The following COL4A2 variants were observed in gnomAD, a reference collection of about 807,000 sequenced individuals.
COL4A2 encodes collagen alpha-2(IV) chain.
A neutral mutation model predicts 200.2 loss-of-function variants in COL4A2; 99 were observed. The observed-to-expected ratio is 0.49, with a 90% CI of 0.42 to 0.58. COL4A2 has a LOEUF of 0.58. Ranked by LOEUF, COL4A2 falls within the 20% of genes least tolerant of loss-of-function variation. The pLI is 0.00. For missense variants in COL4A2, 1,950 were observed against 2,314.1 expected (o/e 0.84, Z 3.23); for synonymous variants, 897 against 900.6 (o/e 1.00, Z 0.07).
intron 4 of COL4A2, among the ~76,000 whole-genome samples, chr13:110,361,740 GA>G (rs1877521783): frequency 6.6e-6 from 1 of 152,204 alleles, no homozygotes; most frequent in Non-Finnish European, 1.5e-5. Context: ...GCTTCACCCA[GA>G]CAGAACCACC....
At chr13:110,401,232 A>C (rs919437347) in intron 4 of COL4A2, among the ~76,000 whole-genome samples, 3 of 152,250 alleles carry the variant, frequency 2.0e-5, no homozygotes, top group African/African-American at 7.2e-5. Flanking sequence ...TGTCAAAACT[A>C]AAACCTGTTT....
chr13:110,324,083 C>T (rs1885344536), intron 3 of COL4A2, among the ~76,000 whole-genome samples: 1 of 151,986 alleles, frequency 6.6e-6, no homozygotes, highest in Admixed American at 6.6e-5. Context: ...GACAGAGTGC[C>T]AAACTATTTC....
chr13:110,407,425 G>C (rs909138036), intron 4 of COL4A2, among the ~76,000 whole-genome samples: 1 of 152,252 alleles, frequency 6.6e-6, no homozygotes, highest in Non-Finnish European at 1.5e-5. Flanking sequence ...CCAGCCACCA[G>C]AGTGCAGGGT....
chr13:110,485,048 C>T (rs1166425534), intron 33 of COL4A2, 21 bp downstream of exon 33: 3 of 1,561,336 alleles, frequency 1.9e-6, no homozygotes, highest in East Asian at 4.6e-5. Flanking sequence ...TGACCTGCAG[C>T]CAGGGGCCCC....
At chr13:110,421,131 A>G (rs1880235699) in intron 4 of COL4A2, among the ~76,000 whole-genome samples, 2 of 152,220 alleles carry the variant, frequency 1.3e-5, no homozygotes, top group African/African-American at 2.4e-5. Context: ...ACCTTTGTGC[A>G]TTGCTGGTGG....
intron 18 of COL4A2, 124 bp downstream of exon 18, chr13:110,446,988 TAATAAAAAA>T (rs1881351775): frequency 1.6e-5 from 9 of 570,990 alleles, no homozygotes; most frequent in Non-Finnish European, 2.1e-5. Context: ...AGTATAATAA[TAATAAAAAA>T]AATAAAAAAT....
In COL4A2 at chr13:110,462,103, G is replaced by A. The variant is rs776407489; in HGVS notation, c.1597-11G>A. 1 of 1,613,120 alleles carries A rather than the reference G, an allele frequency of 6.2e-7. No individual in the cohort carries two copies. Among genetic ancestry groups the A allele is most frequent in the Middle Eastern group, 1.7e-4 (1 of 6,054 alleles). Reference sequence around the variant, plus strand: ...AAAGAAGGAAGATATTTTTTTGTCTGTTTTCCACAGGGAGTGCCTGGCAAC... The same window carrying A: ...AAAGAAGGAAGATATTTTTTTGTCTATTTTCCACAGGGAGTGCCTGGCAAC... On this transcript the variant is annotated splice_polypyrimidine_tract_variant and intron_variant, in intron 22 of 47. Coordinates refer to ENST00000360467, the MANE Select transcript of COL4A2 (RefSeq NM_001846.4).
Position 110,318,794 on chromosome 13 carries a change from GGTT to G in COL4A2, c.99+10678_99+10680del, listed in dbSNP as rs140863479. Among the ~76,000 whole-genome samples the G allele has an allele frequency of 2.7e-3, 411 of 152,208 alleles. 2 individuals carry two copies. Among genetic ancestry groups the G allele is most frequent in the African/African-American group, 9.4e-3 (392 of 41,546 alleles). ...ACTAGTTCACATCTACCTGGCTTTA[GGTT>G]GTTGTTTTTTAGGTCTTCATCCTCA... On this transcript the variant is annotated intron_variant, in intron 3 of 47. Transcript: ENST00000360467.
Position 110,312,352 on chromosome 13 carries a change from A to C in COL4A2, c.99+4229A>C, listed in dbSNP as rs576954248. Among the ~76,000 whole-genome samples, 450 of 152,330 alleles carry C rather than the reference A, an allele frequency of 3.0e-3. 3 individuals are homozygous for C. Among genetic ancestry groups the C allele is most frequent in the African/African-American group, 0.01 (418 of 41,580 alleles). The stretch of plus-strand genomic sequence containing the variant: ...GTACGACCAGGCGGCTATGTTTACA[A>C]CCAGAGAGAGAGAGGTGAAGAGGAA... On this transcript the variant is annotated intron_variant, in intron 3 of 47. Transcript: ENST00000360467.
intron 4 of COL4A2, among the ~76,000 whole-genome samples, chr13:110,377,747 T>C (rs371739786): frequency 2.2e-4 from 33 of 152,330 alleles, no homozygotes; most frequent in African/African-American, 7.9e-4. Flanking sequence ...AAAATAGAGA[T>C]AATAGAAAAA....
chr13:110,313,540 C>CTGGGTT (rs1566467379), intron 3 of COL4A2, among the ~76,000 whole-genome samples: 21 of 135,302 alleles, frequency 1.6e-4, no homozygotes, highest in African/African-American at 4.3e-4. Context: ...CACCCCGGTG[C>CTGGGTT]CCCGCGTCCA....
chr13:110,329,713 A>G (rs377159597), intron 3 of COL4A2, among the ~76,000 whole-genome samples: 1 of 152,200 alleles, frequency 6.6e-6, no homozygotes, highest in Non-Finnish European at 1.5e-5. Flanking sequence ...GTTTGTCCCA[A>G]GCGAATTATT....
At chr13:110,446,056 C>T (rs963382107) in intron 17 of COL4A2, among the ~76,000 whole-genome samples, 174 bp downstream of exon 17, 1 of 152,204 alleles carries the variant, frequency 6.6e-6, no homozygotes, top group Non-Finnish European at 1.5e-5. Flanking sequence ...CTACGAGCCA[C>T]GTGTGCTCCC....
chr13:110,311,599 T>C (rs1884984391), intron 3 of COL4A2, among the ~76,000 whole-genome samples: 1 of 152,038 alleles, frequency 6.6e-6, no homozygotes, highest in African/African-American at 2.4e-5. Context: ...CCTTGGAGGG[T>C]CTGGCACAGC....
intron 3 of COL4A2, among the ~76,000 whole-genome samples, chr13:110,309,057 C>G (rs1168165413): frequency 1.3e-5 from 2 of 152,212 alleles, no homozygotes; most frequent in African/African-American, 4.8e-5. Flanking sequence ...CCCTCCTCAG[C>G]GCGCACTGTG....
At chr13:110,438,747 C>A (rs1171125321) in intron 15 of COL4A2, 79 bp downstream of exon 15, 40 of 1,573,058 alleles carry the variant, frequency 2.5e-5, no homozygotes, top group Non-Finnish European at 8.7e-7. Flanking sequence ...AGAGCTGTTT[C>A]AGATTCACAG....
Position 110,467,105 on chromosome 13 carries a change from C to T in COL4A2, c.2095+9C>T, listed in dbSNP as rs369918222. 151 of 1,613,894 alleles carry T rather than the reference C, an allele frequency of 9.4e-5. No homozygotes were observed. Among genetic ancestry groups the T allele is most frequent in the Non-Finnish European group, 1.2e-4 (139 of 1,179,958 alleles). On this transcript the variant is annotated intron_variant, in intron 27 of 47. Coordinates refer to ENST00000360467, the MANE Select transcript of COL4A2 (RefSeq NM_001846.4). ...ACCCCCAGGCCCCACAGGTAATGCA[C>T]GGAGGGAACCTGGAGTGCACCCAGC... is the stretch of plus-strand genomic sequence containing the variant.
intron 4 of COL4A2, among the ~76,000 whole-genome samples, chr13:110,408,737 A>G (rs531421535): frequency 6.6e-6 from 1 of 152,298 alleles, no homozygotes. Context: ...ACAGTGAGAC[A>G]AACACAGGTC....
intron 4 of COL4A2, among the ~76,000 whole-genome samples, chr13:110,400,751 G>T (rs1327346648): frequency 6.6e-6 from 1 of 152,110 alleles, no homozygotes; most frequent in Admixed American, 6.5e-5. Context: ...TTATAATGAT[G>T]GACCTAGATT....
Sources: gnomAD v4.1 joint callset for allele counts (sites outside exome capture counted in the v4.1 genomes callset) on GRCh38, gnomAD v4.1.1 for gene constraint, MANE v1.5 for transcripts, NCBI Gene and HGNC (gene_info 2026-07-23, HGNC 2026-07-21) for gene names.